Variants in COL4A6 observed in about 807,000 individuals in gnomAD.
COL4A6 encodes the protein collagen alpha-6(IV) chain.
In COL4A6, 59 loss-of-function variants were observed where a neutral mutation model predicts 126.7. The observed-to-expected ratio is 0.47, with a 90% CI of 0.38 to 0.58. COL4A6 has a LOEUF of 0.58. COL4A6 is among the 20% of genes least tolerant of loss of function. The pLI is 0.00. For missense variants in COL4A6, 1,285 were observed against 1,337.3 expected (o/e 0.96, Z 0.61); for synonymous variants, 547 against 496.6 (o/e 1.10, Z -1.35).
intron 3 of COL4A6, among the ~76,000 whole-genome samples, chrX:108,293,068 T>C (rs373030831): frequency 4.6e-4 from 49 of 106,851 alleles, no homozygotes; most frequent in African/African-American, 1.6e-3. Flanking sequence ...AAGCCAGCTT[T>C]ATTGCCGGGA....
At chrX:108,257,916 C>T (rs1002769921) in intron 3 of COL4A6, among the ~76,000 whole-genome samples, 4 of 111,459 alleles carry the variant, frequency 3.6e-5, no homozygotes, top group African/African-American at 1.3e-4. Flanking sequence ...GATAAGATAC[C>T]TTAAGTTTTG....
chrX:108,438,392 T>C lies in COL4A6; in HGVS notation c.-196A>G, dbSNP rs1417281992. The C allele has an allele frequency of 1.9e-6, 2 of 1,048,764 alleles. No individual in the cohort carries two copies. The highest frequency in any genetic ancestry group is 1.2e-6 in the Non-Finnish European group (1 of 820,477). 86.4% of individuals were successfully genotyped at this position (1,048,764 alleles called of 1,213,427 possible). On this transcript the variant is annotated 5_prime_UTR_variant, in exon 1 of 45. Coordinates refer to ENST00000334504, the MANE Select transcript of COL4A6 (RefSeq NM_033641.4). ...CTCCAAAGGGAAACAGGCTCAGCGG[T>C]GCCCGTTACAACTTGCAGCACTCAG...
At chrX:108,276,021 A>C (rs968711063) in intron 3 of COL4A6, among the ~76,000 whole-genome samples, 5 of 112,831 alleles carry the variant, frequency 4.4e-5, no homozygotes, top group African/African-American at 1.6e-4. Flanking sequence ...TCCTGTTTAG[A>C]TCTCTTTGTA....
intron 40 of COL4A6, among the ~76,000 whole-genome samples, chrX:108,164,023 G>T (rs977415636): frequency 9.0e-6 from 1 of 111,587 alleles, no homozygotes; most frequent in Non-Finnish European, 1.9e-5. Context: ...GCCACGGTGA[G>T]TTCATTCCTA....
intron 2 of COL4A6, among the ~76,000 whole-genome samples, chrX:108,335,321 C>T (rs1251565076): frequency 8.9e-6 from 1 of 111,959 alleles, no homozygotes; most frequent in Non-Finnish European, 1.9e-5. Flanking sequence ...AAGGTGGGTA[C>T]TACTATTTAT....
intron 3 of COL4A6, among the ~76,000 whole-genome samples, chrX:108,261,090 T>A (rs2037148151): frequency 9.0e-6 from 1 of 111,325 alleles, no homozygotes; most frequent in Admixed American, 9.6e-5. Context: ...AATGGCCTTC[T>A]TCAAGGAGCT....
chrX:108,422,507 C>T (rs1336647393), intron 2 of COL4A6, among the ~76,000 whole-genome samples: 4 of 111,764 alleles, frequency 3.6e-5, no homozygotes, highest in South Asian at 3.7e-4. Flanking sequence ...CATAAATGAA[C>T]ACATACTCTC....
chrX:108,314,842 A>G (rs962332041), intron 2 of COL4A6, among the ~76,000 whole-genome samples: 2 of 112,183 alleles, frequency 1.8e-5, no homozygotes, highest in African/African-American at 3.2e-5. Context: ...GGACTCAATA[A>G]GATTAAGCAT....
intron 3 of COL4A6, among the ~76,000 whole-genome samples, chrX:108,249,843 C>T (rs1482472048): frequency 8.9e-6 from 1 of 111,857 alleles, no homozygotes; most frequent in Non-Finnish European, 1.9e-5. Flanking sequence ...TATCTGCCTT[C>T]CACAACATCC....
At chrX:108,263,477 T>A (rs186233077) in intron 3 of COL4A6, among the ~76,000 whole-genome samples, 1 of 112,061 alleles carries the variant, frequency 8.9e-6, no homozygotes, top group African/African-American at 3.2e-5. Flanking sequence ...CATCTTCCTG[T>A]GTGGTTTTAA....
Position 108,385,436 on chromosome X carries a change from A to G in COL4A6, c.63+52506T>C, listed in dbSNP as rs138656896. ...AATACTCCCTCAAACTGATTTATAG[A>G]TTCAATAAAATCCCTATTAGAATCC... On this transcript the variant is annotated intron_variant, in intron 2 of 44. Coordinates refer to ENST00000334504, the MANE Select transcript of COL4A6 (RefSeq NM_033641.4). Among the ~76,000 whole-genome samples, 1,072 of 111,682 alleles carry G rather than the reference A, an allele frequency of 9.6e-3. 14 individuals are homozygous for G. The highest frequency in any genetic ancestry group is 0.033 in the African/African-American group (1,019 of 30,765).
intron 3 of COL4A6, among the ~76,000 whole-genome samples, chrX:108,289,775 C>G (rs2038113874): frequency 9.0e-6 from 1 of 111,567 alleles, no homozygotes; most frequent in South Asian, 3.8e-4. Context: ...GAATAACGCT[C>G]ACACTTTAAT....
At chrX:108,282,396 G>A (rs2037864764) in intron 3 of COL4A6, among the ~76,000 whole-genome samples, 2 of 110,481 alleles carry the variant, frequency 1.8e-5, no homozygotes, top group Admixed American at 1.9e-4. Context: ...ACATGAAAAA[G>A]TGCTCTTCAT....
intron 2 of COL4A6, among the ~76,000 whole-genome samples, chrX:108,378,643 CTTCCAG>C (rs2040496441): frequency 1.8e-5 from 2 of 112,586 alleles, no homozygotes; most frequent in South Asian, 3.7e-4. Context: ...TTGTATGCCA[CTTCCAG>C]GTATGATCCA....
At chrX:108,380,633 A>T (rs1245208067) in intron 2 of COL4A6, among the ~76,000 whole-genome samples, 1 of 112,259 alleles carries the variant, frequency 8.9e-6, no homozygotes, top group Non-Finnish European at 1.9e-5. Context: ...ACTATGGAAC[A>T]CCTGAGGCAA....
Position 108,398,718 on chromosome X carries a change from G to T in COL4A6, c.63+39224C>A, listed in dbSNP as rs144889497. Among the ~76,000 whole-genome samples the T allele has an allele frequency of 6.0e-3, 670 of 111,169 alleles. 2 individuals carry two copies. Among genetic ancestry groups the T allele is most frequent in the East Asian group, 0.036 (127 of 3,551 alleles). ...TAGTTCTATCCACAGACCGTTAAGG[G>T]ATCGCCTTCCTTGATTAAGACCCTA... is the stretch of plus-strand genomic sequence containing the variant. On this transcript the variant is annotated intron_variant, in intron 2 of 44. Coordinates refer to ENST00000334504, the MANE Select transcript of COL4A6 (RefSeq NM_033641.4).
intron 23 of COL4A6, among the ~76,000 whole-genome samples, chrX:108,184,993 C>T (rs781233951): frequency 1.8e-5 from 2 of 112,166 alleles, no homozygotes; most frequent in African/African-American, 3.2e-5. Context: ...GACCCAATTA[C>T]GGGAGGAGCA....
chrX:108,170,875 G>A lies in COL4A6; in HGVS notation c.3320C>T (p.Pro1107Leu). The change falls in exon 34 of 45, where the codon CCT becomes CTT. Residue 1107 changes from proline to leucine, a missense_variant. Pro to Leu is a moderately conservative substitution (Grantham distance 98). Transcript: ENST00000334504. Reference protein sequence around the residue: ...RDGLIGNIGFPGNKGEDGKVG... With the variant: ...RDGLIGNIGFLGNKGEDGKVG... ...TTTTCCATCTTCACCTTTGTTTCCA[G>A]GGAAGCCTATATTGCCTATTAGTCC... The A allele has an allele frequency of 8.2e-7, 1 of 1,212,248 alleles. No homozygotes were observed. Among genetic ancestry groups the A allele is most frequent in the African/African-American group, 1.7e-5 (1 of 57,947 alleles).
At chrX:108,368,424 G>T (rs2040253206) in intron 2 of COL4A6, among the ~76,000 whole-genome samples, 2 of 110,986 alleles carry the variant, frequency 1.8e-5, no homozygotes, top group South Asian at 7.6e-4. Context: ...TGGGTGAGTG[G>T]GTAAGTGAGT....
Sources: allele counts gnomAD v4.1 joint callset (sites outside exome capture counted in the v4.1 genomes callset), GRCh38; gene constraint gnomAD v4.1.1; transcripts MANE v1.5; gene names NCBI Gene and HGNC (gene_info 2026-07-23, HGNC 2026-07-21).